The following KCNQ1 variants were observed in gnomAD, a reference collection of about 807,000 sequenced individuals.
KCNQ1 encodes potassium voltage-gated channel subfamily Q member 1.
Under a neutral mutation model 72.4 loss-of-function variants are expected in KCNQ1, and 49 were observed. That is an observed-to-expected ratio of 0.68 (90% confidence interval 0.54 to 0.86). The LOEUF is 0.86. Ranked by LOEUF, KCNQ1 falls within the 40% of genes least tolerant of loss-of-function variation. KCNQ1 has a pLI of 0.00. For synonymous variants in KCNQ1, 450 were observed against 412.6 expected (o/e 1.09, Z -1.10); for missense variants, 790 against 945.1 (o/e 0.84, Z 2.15).
chr11:2,571,274 G>T, intron 3 of KCNQ1, 51 bp from the exon 4 acceptor site: 1 of 1,454,668 alleles, frequency 6.9e-7, no homozygotes. Context: ...TCTTCCCTGG[G>T]GCCCTGGCTG....
At chr11:2,528,504 G>C (rs1021675250) in intron 2 of KCNQ1, among the ~76,000 whole-genome samples, 3 of 152,228 alleles carry the variant, frequency 2.0e-5, no homozygotes, top group Non-Finnish European at 4.4e-5. Context: ...TGCCAGGCAG[G>C]TGCTGAGAGC....
intron 6 of KCNQ1, among the ~76,000 whole-genome samples, chr11:2,583,030 C>T (rs990795608): frequency 3.9e-5 from 6 of 152,146 alleles, no homozygotes; most frequent in African/African-American, 1.2e-4. Flanking sequence ...TCTTTGTTGA[C>T]GACCAGCCTC....
Position 2,603,186 on chromosome 11 carries a change from T to G in KCNQ1, c.1393+14332T>G, listed in dbSNP as rs1848831470. On this transcript the variant is annotated intron_variant, in intron 10 of 15. Coordinates refer to ENST00000155840, the MANE Select transcript of KCNQ1 (RefSeq NM_000218.3). This position sits in a 1 kb window ranked among gnomAD's most constrained non-coding sequence, Gnocchi z 4.1. ...AAGCAAGTCACACAAATTTTTTGGT[T>G]TGCCACTGCATATAAAAGTTATGTT... 6.6e-6 allele frequency among the ~76,000 whole-genome samples: 1 copy of G among 152,228 alleles called. No homozygotes were observed. The highest frequency in any genetic ancestry group is 6.5e-5 in the Admixed American group (1 of 15,286).
At chr11:2,643,655 T>C (rs904048190) in intron 10 of KCNQ1, 2 of 398,542 alleles carry the variant, frequency 5.0e-6, no homozygotes, top group Non-Finnish European at 8.8e-6. Context: ...TGCAAGGTTA[T>C]TGTTGATATG....
At position 2,674,033 on chromosome 11, in the gene KCNQ1, T is replaced by C. The variant is rs1213244694; in HGVS notation, c.1514+11952T>C. 2.5e-6 allele frequency: 1 copy of C among 398,078 alleles called. No individual in the cohort carries two copies. The highest frequency in any genetic ancestry group is 4.4e-6 in the Non-Finnish European group (1 of 225,946). The allele number at this position is 398,078 out of a possible 1,614,324, so 24.7% of individuals were successfully genotyped here. A position where few individuals can be genotyped will look rare whatever the true frequency, so the allele number is the denominator to read the frequency against. ...GCTTTCTGGCTCTTTGGGCCTGGGGTGCAGCCCCTCATTTGTACTTGCTGG... is the reference window on the plus strand; with the variant it reads ...GCTTTCTGGCTCTTTGGGCCTGGGGCGCAGCCCCTCATTTGTACTTGCTGG... On this transcript the variant is annotated intron_variant, in intron 11 of 15. Coordinates refer to ENST00000155840, the MANE Select transcript of KCNQ1 (RefSeq NM_000218.3). This position sits in a 1 kb window ranked among gnomAD's most constrained non-coding sequence, Gnocchi z 5.9.
chr11:2,551,678 G>A (rs1421775166), intron 2 of KCNQ1, among the ~76,000 whole-genome samples: 1 of 152,220 alleles, frequency 6.6e-6, no homozygotes, highest in Non-Finnish European at 1.5e-5. Flanking sequence ...AACTGCCAAA[G>A]CATTTTGCAA....
At chr11:2,517,751 C>T (rs757085) in intron 1 of KCNQ1, among the ~76,000 whole-genome samples, 116,989 of 152,060 alleles carry the variant, frequency 0.77, 45,111 homozygotes, top group East Asian at 0.83. Flanking sequence ...ACGTCCTGCC[C>T]GCTCACACCT....
chr11:2,833,916 A>G (rs1269034106), intron 15 of KCNQ1, among the ~76,000 whole-genome samples: 5 of 152,192 alleles, frequency 3.3e-5, no homozygotes, highest in Non-Finnish European at 7.4e-5. Flanking sequence ...AGCCCCAGCA[A>G]CTTCCTGCCC....
chr11:2,697,227 A>T (rs1412715458), intron 11 of KCNQ1: 4 of 398,496 alleles, frequency 1.0e-5, no homozygotes, highest in Non-Finnish European at 1.8e-5. Flanking sequence ...CAACAGATAG[A>T]ATCTCTATCA....
intron 15 of KCNQ1, among the ~76,000 whole-genome samples, chr11:2,804,181 A>T (rs547514078): frequency 3.4e-4 from 51 of 152,206 alleles, no homozygotes; most frequent in African/African-American, 1.2e-3. Flanking sequence ...AAACAACTGC[A>T]GTTCACCCAT....
At position 2,475,232 on chromosome 11, in the gene KCNQ1, T is replaced by C. The variant is rs1259969071; in HGVS notation, c.386+29748T>C. Among the ~76,000 whole-genome samples, 1 of 152,166 alleles carries C rather than the reference T, an allele frequency of 6.6e-6. No homozygotes were observed. Among genetic ancestry groups the C allele is most frequent in the Non-Finnish European group, 1.5e-5 (1 of 68,034 alleles). On this transcript the variant is annotated intron_variant, in intron 1 of 15. Transcript: ENST00000155840. This position sits in a 1 kb window ranked among gnomAD's most constrained non-coding sequence, Gnocchi z 5.8. ...TGGATGTTTCATGTGCCTGAAATCA[T>C]GGCAAACGTGGCCCTGTGTGTCTGG... is the stretch of plus-strand genomic sequence containing the variant.
intron 2 of KCNQ1, among the ~76,000 whole-genome samples, chr11:2,535,152 C>G (rs1229362977): frequency 1.3e-5 from 2 of 152,230 alleles, no homozygotes; most frequent in Non-Finnish European, 2.9e-5. Context: ...GGAGCCCACC[C>G]CAGGGAGACA....
intron 11 of KCNQ1, among the ~76,000 whole-genome samples, chr11:2,744,288 C>T (rs536235816): frequency 7.2e-5 from 11 of 152,348 alleles, no homozygotes; most frequent in East Asian, 5.8e-4. Context: ...AACACCAATG[C>T]GGCACTCAGA....
chr11:2,608,376 C>A lies in KCNQ1; in HGVS notation c.1393+19522C>A, dbSNP rs1848915217. On this transcript the variant is annotated intron_variant, in intron 10 of 15. Transcript: ENST00000155840. The surrounding 1 kb of genome is among the most constrained non-coding windows in gnomAD (Gnocchi z 4.6). ...CTTTCTAGGAATTTGTCAATTTCAT[C>A]TAAGTTTTATAATTTATTGGCACAA... 1 of 398,454 alleles carries A rather than the reference C, an allele frequency of 2.5e-6. No homozygotes were observed. Among genetic ancestry groups the A allele is most frequent in the Admixed American group, 4.4e-5 (1 of 22,710 alleles). 24.7% of individuals were successfully genotyped at this position (398,454 alleles called of 1,614,324 possible). A position where few individuals can be genotyped will look rare whatever the true frequency, so the allele number is the denominator to read the frequency against.
intron 10 of KCNQ1, chr11:2,649,481 A>T (rs1402016399): frequency 5.0e-6 from 2 of 398,446 alleles, no homozygotes; most frequent in Admixed American, 8.8e-5. Context: ...GTAGTAATGA[A>T]TTCCCTCAGT....
chr11:2,642,761 T>C lies in KCNQ1; in HGVS notation c.1394-19200T>C. ...TTCCTTCAGGTGTATCATTAGATTA[T>C]TTAAGATCTTTTCTACCTTTTTTAA... is the stretch of plus-strand genomic sequence containing the variant. On this transcript the variant is annotated intron_variant, in intron 10 of 15. Transcript: ENST00000155840. This position sits in a 1 kb window ranked among gnomAD's most constrained non-coding sequence, Gnocchi z 4.3. 1 of 397,890 alleles carries C rather than the reference T, an allele frequency of 2.5e-6. No individual in the cohort carries two copies. Among genetic ancestry groups the C allele is most frequent in the Non-Finnish European group, 4.4e-6 (1 of 225,648 alleles). The allele number at this position is 397,890 out of a possible 1,614,324, so 24.6% of individuals were successfully genotyped here.
chr11:2,522,295 C>T (rs1433413501), intron 1 of KCNQ1, among the ~76,000 whole-genome samples: 4 of 152,162 alleles, frequency 2.6e-5, no homozygotes, highest in Non-Finnish European at 4.4e-5. Flanking sequence ...GTCTTCTCTC[C>T]CCCACCCCTT....
chr11:2,743,223 C>A (rs1226928822), intron 11 of KCNQ1, among the ~76,000 whole-genome samples: 1 of 152,088 alleles, frequency 6.6e-6, no homozygotes, highest in East Asian at 1.9e-4. Context: ...ACCTAGACTC[C>A]CGTACCATGC....
intron 2 of KCNQ1, among the ~76,000 whole-genome samples, chr11:2,548,002 GT>G (rs1183904014): frequency 2.5e-4 from 38 of 152,312 alleles, no homozygotes; most frequent in African/African-American, 9.1e-4. Context: ...GGTCAGGGAG[GT>G]GGCAGGACCT....
Sources: allele counts gnomAD v4.1 joint callset (sites outside exome capture counted in the v4.1 genomes callset), GRCh38; gene constraint gnomAD v4.1.1; non-coding constraint Gnocchi (gnomAD v3.1); transcripts MANE v1.5; gene names NCBI Gene and HGNC (gene_info 2026-07-23, HGNC 2026-07-21).